KCNJ6: variants seen among roughly 807,000 people sequenced by gnomAD.
KCNJ6 encodes potassium inwardly rectifying channel subfamily J member 6, also known as G protein-activated inward rectifier potassium channel 2.
In KCNJ6, 9 loss-of-function variants were observed where a neutral mutation model predicts 34.2. That is an observed-to-expected ratio of 0.26 (90% confidence interval 0.16 to 0.46). The LOEUF (loss-of-function observed/expected upper bound fraction) is 0.46. Ranked by LOEUF, KCNJ6 falls within the 20% of genes least tolerant of loss-of-function variation. The pLI, the probability that KCNJ6 is intolerant of heterozygous loss-of-function variation, is 1.00. For missense variants in KCNJ6, 236 were observed against 531.3 expected (o/e 0.44, Z 5.46); for synonymous variants, 196 against 207.1 (o/e 0.95, Z 0.46).
At position 37,615,067 on chromosome 21, in the gene KCNJ6, T is replaced by C. The variant is rs1441799475; in HGVS notation, c.*10092A>G. On this transcript the variant is annotated 3_prime_UTR_variant, in exon 4 of 4. Coordinates refer to ENST00000609713, the MANE Select transcript of KCNJ6 (RefSeq NM_002240.5). Reference sequence around the variant, plus strand: ...AATTCTTACAGTGCAGTTGTCGAGATTGCGGAAAGTTCTCATCTACCCTCT... The same window carrying C: ...AATTCTTACAGTGCAGTTGTCGAGACTGCGGAAAGTTCTCATCTACCCTCT... 6.6e-6 allele frequency: 1 copy of C among 152,136 alleles called. No individual in the cohort carries two copies. The highest frequency in any genetic ancestry group is 1.5e-5 in the Non-Finnish European group (1 of 68,028). 9.4% of individuals were successfully genotyped at this position (152,136 alleles called of 1,614,324 possible).
At chr21:37,807,504 A>T (rs2055299424) in intron 2 of KCNJ6, among the ~76,000 whole-genome samples, 1 of 152,244 alleles carries the variant, frequency 6.6e-6, no homozygotes, top group Non-Finnish European at 1.5e-5. Context: ...GATGGACGAC[A>T]GTGGTCCCGT....
At chr21:37,818,093 C>T (rs555513343) in intron 2 of KCNJ6, among the ~76,000 whole-genome samples, 2 of 152,260 alleles carry the variant, frequency 1.3e-5, no homozygotes, top group African/African-American at 2.4e-5. Context: ...TTTCTCTGCC[C>T]CCAAACATTC....
chr21:37,881,015 C>T (rs2055704936), intron 1 of KCNJ6, among the ~76,000 whole-genome samples: 1 of 152,132 alleles, frequency 6.6e-6, no homozygotes, highest in African/African-American at 2.4e-5. Context: ...GGCAGAAGGG[C>T]AAGGCAACTC....
intron 2 of KCNJ6, among the ~76,000 whole-genome samples, chr21:37,809,178 T>C (rs971824896): frequency 8.5e-5 from 13 of 152,274 alleles, no homozygotes; most frequent in Admixed American, 6.5e-5. Context: ...ATATACCCCA[T>C]GGAATACTAT....
At position 37,690,069 on chromosome 21, in the gene KCNJ6, G is replaced by A. The variant is rs188923702; in HGVS notation, c.946+24142C>T. Among the ~76,000 whole-genome samples, 265 of 152,160 alleles carry A rather than the reference G, an allele frequency of 1.7e-3. 2 individuals carry two copies. The highest frequency in any genetic ancestry group is 1.7e-3 in the Non-Finnish European group (119 of 68,016). On this transcript the variant is annotated intron_variant, in intron 3 of 3. Coordinates refer to ENST00000609713, the MANE Select transcript of KCNJ6 (RefSeq NM_002240.5). ...CCTTATAAAAATCCTTTCTTTCTCA[G>A]TATAAGATTATGCAATTAAAATTGT...
At chr21:37,804,197 A>G (rs902241934) in intron 2 of KCNJ6, among the ~76,000 whole-genome samples, 2 of 152,206 alleles carry the variant, frequency 1.3e-5, no homozygotes, top group Non-Finnish European at 2.9e-5. Flanking sequence ...ACAAGTGTTG[A>G]CAAGGATGTG....
At position 37,621,834 on chromosome 21, in the gene KCNJ6, T is replaced by A. The variant is rs1249057857; in HGVS notation, c.*3325A>T. On this transcript the variant is annotated 3_prime_UTR_variant, in exon 4 of 4. Coordinates refer to ENST00000609713, the MANE Select transcript of KCNJ6 (RefSeq NM_002240.5). ...GAACAACCAGGCTGGAAGGCCATGT[T>A]TGAAGGAACAGAAAAGTTGACATTT... is the stretch of plus-strand genomic sequence containing the variant. 6.6e-6 allele frequency: 1 copy of A among 152,204 alleles called. No individual in the cohort carries two copies. The highest frequency in any genetic ancestry group is 1.5e-5 in the Non-Finnish European group (1 of 68,046). 9.4% of individuals were successfully genotyped at this position (152,204 alleles called of 1,614,324 possible). A position where few individuals can be genotyped will look rare whatever the true frequency, so the allele number is the denominator to read the frequency against.
chr21:37,793,608 G>A (rs934117822), intron 2 of KCNJ6, among the ~76,000 whole-genome samples: 43 of 148,912 alleles, frequency 2.9e-4, no homozygotes, highest in Non-Finnish European at 2.2e-4. Context: ...CTCCCTAAAT[G>A]CCAGTCTCTC....
chr21:37,878,805 G>C (rs3787860), intron 1 of KCNJ6, among the ~76,000 whole-genome samples: 67,811 of 151,966 alleles, frequency 0.45, 16,259 homozygotes, highest in East Asian at 0.63. Context: ...GGGGACAGGG[G>C]CATGTGACGA....
chr21:37,717,092 AAT>A, intron 2 of KCNJ6: 1 of 150,894 alleles, frequency 6.6e-6, no homozygotes, highest in African/African-American at 2.6e-5. Flanking sequence ...CTTAAAAATC[AAT>A]CTCCTGGATC....
At chr21:37,718,002 C>T (rs2054802875) in intron 2 of KCNJ6, among the ~76,000 whole-genome samples, 1 of 152,198 alleles carries the variant, frequency 6.6e-6, no homozygotes, top group Non-Finnish European at 1.5e-5. Flanking sequence ...GAGTAGCGAT[C>T]AGTGCTCTGG....
intron 2 of KCNJ6, among the ~76,000 whole-genome samples, chr21:37,726,889 T>C (rs1306662223): frequency 6.6e-6 from 1 of 152,226 alleles, no homozygotes; most frequent in Non-Finnish European, 1.5e-5. Flanking sequence ...CCAAAGTTCG[T>C]ATCTACCCCA....
intron 3 of KCNJ6, among the ~76,000 whole-genome samples, chr21:37,665,875 C>G (rs746874588): frequency 6.6e-6 from 1 of 151,978 alleles, no homozygotes. Flanking sequence ...TGTTTAGTTA[C>G]TCCAAGCAGG....
At chr21:37,787,170 T>C (rs971129974) in intron 2 of KCNJ6, among the ~76,000 whole-genome samples, 24 of 152,208 alleles carry the variant, frequency 1.6e-4, no homozygotes, top group African/African-American at 5.8e-4. Flanking sequence ...GGTTAGAAAT[T>C]TGACATCTCC....
intron 2 of KCNJ6, among the ~76,000 whole-genome samples, chr21:37,762,876 G>A (rs934109469): frequency 6.6e-6 from 1 of 152,316 alleles, no homozygotes; most frequent in East Asian, 1.9e-4. Context: ...TCTGCAACAC[G>A]CCCCAGCTGT....
At chr21:37,662,877 T>C (rs2054496399) in intron 3 of KCNJ6, among the ~76,000 whole-genome samples, 1 of 152,228 alleles carries the variant, frequency 6.6e-6, no homozygotes, top group Admixed American at 6.5e-5. Context: ...TGAGTTCTTT[T>C]CTCGTATGTT....
chr21:37,643,980 C>T (rs748347198), intron 3 of KCNJ6, among the ~76,000 whole-genome samples: 72 of 152,300 alleles, frequency 4.7e-4, no homozygotes, highest in African/African-American at 1.5e-3. Flanking sequence ...AACCTAAATG[C>T]CTATCAATTG....
chr21:37,717,530 CT>C (rs1349722076), intron 2 of KCNJ6, among the ~76,000 whole-genome samples: 10 of 152,178 alleles, frequency 6.6e-5, no homozygotes, highest in Admixed American at 2.0e-4. Flanking sequence ...CCGCTACCCC[CT>C]ACATGGCAGG....
chr21:37,871,094 G>T (rs1201854452), intron 1 of KCNJ6, among the ~76,000 whole-genome samples: 1 of 151,916 alleles, frequency 6.6e-6, no homozygotes. Context: ...GATGTTGAGG[G>T]CTCCACTGAC....
Sources: gnomAD v4.1 joint callset for allele counts (sites outside exome capture counted in the v4.1 genomes callset) on GRCh38, gnomAD v4.1.1 for gene constraint, MANE v1.5 for transcripts, NCBI Gene and HGNC (gene_info 2026-07-23, HGNC 2026-07-21) for gene names.